Variants in CDK13 observed in about 807,000 individuals in gnomAD.
CDK13 encodes cyclin dependent kinase 13.
CDK13 carries 40 observed loss-of-function variants against 137.6 expected under a neutral mutation model. That is an observed-to-expected ratio of 0.29 (90% CI 0.23 to 0.38). The LOEUF is 0.38. Among genes scored for constraint, CDK13 ranks in the 10% least tolerant of loss-of-function variants. CDK13 has a pLI of 1.00. For synonymous variants in CDK13, 869 were observed against 760.1 expected (o/e 1.14, Z -2.36); for missense variants, 1,704 against 1,951.8 (o/e 0.87, Z 2.39).
Position 40,097,680 on chromosome 7 carries a change from C to T in CDK13, c.*2700C>T, listed in dbSNP as rs1225909607. 2 of 152,118 alleles carry T rather than the reference C, an allele frequency of 1.3e-5. No homozygotes were observed. The highest frequency in any genetic ancestry group is 4.8e-5 in the African/African-American group (2 of 41,454). The allele number at this position is 152,118 out of a possible 1,614,324, so 9.4% of individuals were successfully genotyped here. A position where few individuals can be genotyped will look rare whatever the true frequency, so the allele number is the denominator to read the frequency against. On this transcript the variant is annotated 3_prime_UTR_variant, in exon 14 of 14. Coordinates refer to ENST00000181839, the MANE Select transcript of CDK13 (RefSeq NM_003718.5). Reference sequence around the variant, plus strand: ...GCCAAAAGAAGAAAGTATTTATCTTCTCCCACGTGAAATTCCCTTTTGTAT... The same window carrying T: ...GCCAAAAGAAGAAAGTATTTATCTTTTCCCACGTGAAATTCCCTTTTGTAT...
intron 11 of CDK13, among the ~76,000 whole-genome samples, chr7:40,080,334 G>A (rs1253841474): frequency 2.6e-5 from 4 of 152,062 alleles, no homozygotes; most frequent in Non-Finnish European, 5.9e-5. Flanking sequence ...TTAAAAGCAA[G>A]CCTATTATCT....
Position 40,086,937 on chromosome 7 carries a change from C to T in CDK13, c.3030-1189C>T, listed in dbSNP as rs532875632. 7.2e-5 allele frequency among the ~76,000 whole-genome samples: 11 copies of T among 151,756 alleles called. No homozygotes were observed. The East Asian group carries it at 2.1e-3, about 29-fold the overall frequency. On this transcript the variant is annotated intron_variant, in intron 11 of 13. Coordinates refer to ENST00000181839, the MANE Select transcript of CDK13 (RefSeq NM_003718.5). Reference sequence around the variant, plus strand: ...AAGCCATCCTCCCACCTCAGCTTCCCGAGTAGCTGGGACTACAGACATGTG... The same window carrying T: ...AAGCCATCCTCCCACCTCAGCTTCCTGAGTAGCTGGGACTACAGACATGTG...
intron 5 of CDK13, among the ~76,000 whole-genome samples, chr7:40,013,031 A>G (rs1784929564): frequency 1.3e-5 from 2 of 152,206 alleles, no homozygotes; most frequent in South Asian, 2.1e-4. Context: ...GGATGGAAGA[A>G]TTGATAAGCA....
At chr7:40,006,487 A>T (rs1784798274) in intron 5 of CDK13, among the ~76,000 whole-genome samples, 1 of 152,200 alleles carries the variant, frequency 6.6e-6, no homozygotes. Context: ...AATAATATTT[A>T]ATTAAATATT....
chr7:40,075,952 C>T (rs370653052), intron 9 of CDK13, among the ~76,000 whole-genome samples: 238 of 152,336 alleles, frequency 1.6e-3, no homozygotes, highest in African/African-American at 5.7e-3. Flanking sequence ...TCCCAAATGT[C>T]TATACTTTGC....
intron 9 of CDK13, chr7:40,070,337 A>G (rs1409531763): frequency 7.3e-6 from 1 of 136,224 alleles, no homozygotes; most frequent in African/African-American, 2.7e-5. Context: ...TGAACCTGGG[A>G]GGTGGAGGTT....
At chr7:40,058,636 A>C (rs1490525589) in intron 7 of CDK13, among the ~76,000 whole-genome samples, 1 of 152,208 alleles carries the variant, frequency 6.6e-6, no homozygotes, top group Non-Finnish European at 1.5e-5. Flanking sequence ...TGTTGTGGTC[A>C]TACCAGTGAA....
chr7:39,993,266 C>G lies in CDK13; in HGVS notation c.1872-4228C>G, dbSNP rs561914990. ...CTTGTTTTGTAAATACGTGTTTCCC[C>G]ATATCCCATTTAATCATTCTACTCT... is the stretch of plus-strand genomic sequence containing the variant. On this transcript the variant is annotated intron_variant, in intron 2 of 13. Coordinates refer to ENST00000181839, the MANE Select transcript of CDK13 (RefSeq NM_003718.5). Among the ~76,000 whole-genome samples, 3 of 152,240 alleles carry G rather than the reference C, an allele frequency of 2.0e-5. No individual in the cohort carries two copies. The East Asian group carries it at 5.8e-4, about 29-fold the overall frequency.
intron 7 of CDK13, among the ~76,000 whole-genome samples, chr7:40,050,375 TCTG>T (rs1227851545): frequency 6.6e-6 from 1 of 152,072 alleles, no homozygotes; most frequent in Non-Finnish European, 1.5e-5. Flanking sequence ...ATTTTTTTCT[TCTG>T]CTGTTTAAGA....
At chr7:40,088,469 C>T in intron 12 of CDK13, 138 bp downstream of exon 12, 3 of 701,192 alleles carry the variant, frequency 4.3e-6, no homozygotes, top group Non-Finnish European at 7.0e-6. Context: ...TTTCTTTGTG[C>T]CAGTACAGAA....
intron 6 of CDK13, among the ~76,000 whole-genome samples, chr7:40,047,272 G>A (rs1785766741): frequency 6.6e-6 from 1 of 152,064 alleles, no homozygotes; most frequent in Admixed American, 6.6e-5. Flanking sequence ...GCTTAGATTT[G>A]TAACATCTTA....
intron 1 of CDK13, among the ~76,000 whole-genome samples, chr7:39,963,710 A>C (rs1783803282): frequency 6.6e-6 from 1 of 152,218 alleles, no homozygotes; most frequent in Non-Finnish European, 1.5e-5. Flanking sequence ...GCCAGTTTTC[A>C]AAGGGAATGC....
chr7:40,060,263 T>G (rs1011877756), intron 7 of CDK13, among the ~76,000 whole-genome samples: 1 of 152,166 alleles, frequency 6.6e-6, no homozygotes, highest in African/African-American at 2.4e-5. Context: ...TTTTTAAGAT[T>G]TTTTAAAAAA....
chr7:40,087,546 GTTT>G (rs35686770), intron 11 of CDK13, among the ~76,000 whole-genome samples: 3 of 112,044 alleles, frequency 2.7e-5, no homozygotes, highest in Middle Eastern at 5.2e-3. Context: ...CAATAGTGGT[GTTT>G]TTTTTTTTTT....
chr7:40,038,709 T>C (rs1225410380), intron 5 of CDK13, among the ~76,000 whole-genome samples: 1 of 152,186 alleles, frequency 6.6e-6, no homozygotes, highest in Non-Finnish European at 1.5e-5. Context: ...TTTATATTTA[T>C]TTTGAGACGG....
In CDK13 at chr7:40,094,369, C is replaced by A. The variant is rs1401276059; in HGVS notation, c.3928C>A (p.Gln1310Lys). ...CCTGTTACAGCTGCTTGCTCAGCAT[C>A]AGCCCCAGGATGACCCCAAAAGAGA... The part of the protein sequence containing the change: ...AALLQLLAQH[Q>K]PQDDPKREGG... The change falls in exon 14 of 14, where the codon CAG becomes AAG. Residue 1310 changes from glutamine to lysine, a missense_variant. Around this residue, in one of 5 missense-constraint regions of CDK13, gnomAD observed 475 missense variants for 579.3 expected, o/e 0.82. Transcript: ENST00000181839. 1 of 1,613,932 alleles carries A rather than the reference C, an allele frequency of 6.2e-7. No individual in the cohort carries two copies. The highest frequency in any genetic ancestry group is 1.3e-5 in the African/African-American group (1 of 74,884).
rs905606401 is a variant in CDK13 at position 39,950,538 on chromosome 7, C to T, written c.-104C>T. ...GCTTTTCCCGGCCGGCTCTGGTGCT[C>T]GGTGTCCCTCCGCCGCCGCTCCCGT... On this transcript the variant is annotated 5_prime_UTR_variant, in exon 1 of 14. Transcript: ENST00000181839. 7.9e-6 allele frequency: 10 copies of T among 1,270,688 alleles called. No homozygotes were observed. The highest frequency in any genetic ancestry group is 7.7e-5 in the African/African-American group (5 of 64,654). The allele number at this position is 1,270,688 out of a possible 1,614,324, so 78.7% of individuals were successfully genotyped here. A position where few individuals can be genotyped will look rare whatever the true frequency, so the allele number is the denominator to read the frequency against.
chr7:40,064,020 C>T (rs1345611490), intron 9 of CDK13, among the ~76,000 whole-genome samples: 1 of 152,048 alleles, frequency 6.6e-6, no homozygotes, highest in Non-Finnish European at 1.5e-5. Context: ...CACGGTTTCT[C>T]ACGCCCGTAA....
At position 39,951,509 on chromosome 7, in the gene CDK13, C is replaced by A. The variant is rs1192782478; in HGVS notation, c.868C>A (p.Pro290Thr). 31 of 1,535,236 alleles carry A rather than the reference C, an allele frequency of 2.0e-5. No individual in the cohort carries two copies. The highest frequency in any genetic ancestry group is 2.6e-5 in the Non-Finnish European group (30 of 1,142,888). Residue 290 changes from proline (P) to threonine (T), a missense_variant, in exon 1 of 14, where the codon CCT (proline) becomes ACT (threonine). Physicochemically the swap from Pro to Thr is conservative, Grantham distance 38. This residue lies in a region of CDK13 where 1,051 missense variants were observed against 931.0 expected (regional missense o/e 1.13). Transcript: ENST00000181839. ...CCGGACTAAGTCGTCCAAGGAGCCG[C>A]CTTCGGCCTACAAGGAACCGCCCAA... The part of the protein sequence containing the change: ...RSRTKSSKEP[P>T]SAYKEPPKAY...
Sources: gnomAD v4.1 joint callset for allele counts (sites outside exome capture counted in the v4.1 genomes callset) on GRCh38, gnomAD v4.1.1 for gene constraint, gnomAD v4.1.1 regional missense constraint, MANE v1.5 for transcripts, NCBI Gene and HGNC (gene_info 2026-07-23, HGNC 2026-07-21) for gene names.